Variants in GMPR observed in about 807,000 individuals in gnomAD.
GMPR encodes GMP reductase 1.
A neutral mutation model predicts 38.4 loss-of-function variants in GMPR; 31 were observed. The ratio of observed to expected loss-of-function variants is 0.81; its 90% CI spans 0.61 to 1.09. The LOEUF is 1.09. Ranked by LOEUF, GMPR falls within the 50% of genes least tolerant of loss-of-function variation. The pLI is 0.00. For missense variants in GMPR, 468 were observed against 453.7 expected, an observed-to-expected ratio of 1.03 and a Z score of -0.29; for synonymous variants, 162 against 173.3, an observed-to-expected ratio of 0.93 and a Z score of 0.51.
At chr6:16,271,405 G>A (rs1759383480) in intron 4 of GMPR, among the ~76,000 whole-genome samples, 1 of 152,238 alleles carries the variant, frequency 6.6e-6, no homozygotes, top group Admixed American at 6.5e-5. Context: ...AGAATCGCTT[G>A]AGCCTGGGAA....
At chr6:16,249,869 T>C (rs4716054) in intron 2 of GMPR, among the ~76,000 whole-genome samples, 84,717 of 152,108 alleles carry the variant, frequency 0.56, 26,662 homozygotes, top group East Asian at 0.91. Context: ...TTCTTCAGGG[T>C]CGGCTAAGCA....
chr6:16,274,262 G>T (rs746667543), intron 4 of GMPR, among the ~76,000 whole-genome samples, 153 bp from the exon 5 acceptor site: 1 of 152,160 alleles, frequency 6.6e-6, no homozygotes, highest in Non-Finnish European at 1.5e-5. Flanking sequence ...TCCCAAAAGT[G>T]GTCTCCAGGT....
At chr6:16,269,245 C>T (rs1759334382) in intron 4 of GMPR, among the ~76,000 whole-genome samples, 1 of 151,942 alleles carries the variant, frequency 6.6e-6, no homozygotes, top group Non-Finnish European at 1.5e-5. Context: ...GGTACATCCA[C>T]CCCCATTTTA....
At chr6:16,248,567 G>A (rs893112204) in intron 2 of GMPR, among the ~76,000 whole-genome samples, 22 of 152,202 alleles carry the variant, frequency 1.4e-4, no homozygotes, top group African/African-American at 4.8e-4. Flanking sequence ...CCAGTGATTC[G>A]ACGGAAAATA....
At chr6:16,277,105 C>T (rs1166667157) in intron 5 of GMPR, among the ~76,000 whole-genome samples, 4 of 152,162 alleles carry the variant, frequency 2.6e-5, no homozygotes, top group African/African-American at 9.7e-5. Context: ...TTTATTCTGC[C>T]GTGCACAACG....
At chr6:16,254,241 T>C (rs944985958) in intron 3 of GMPR, among the ~76,000 whole-genome samples, 5 of 152,142 alleles carry the variant, frequency 3.3e-5, no homozygotes, top group Non-Finnish European at 7.3e-5. Flanking sequence ...AATTTTTGTA[T>C]TCTTAGTAGA....
intron 4 of GMPR, chr6:16,263,385 A>C (rs1049478228): frequency 4.6e-5 from 7 of 151,954 alleles, no homozygotes; most frequent in African/African-American, 1.7e-4. Flanking sequence ...CTTAGATTTT[A>C]GGTCAGGTGA....
intron 1 of GMPR, among the ~76,000 whole-genome samples, chr6:16,244,976 G>A (rs886657600): frequency 2.0e-5 from 3 of 152,156 alleles, no homozygotes; most frequent in South Asian, 2.1e-4. Context: ...AACCCATTGT[G>A]ATCTCAGCCG....
chr6:16,284,927 G>A (rs1237980372), intron 6 of GMPR, among the ~76,000 whole-genome samples: 1 of 149,218 alleles, frequency 6.7e-6, no homozygotes, highest in Non-Finnish European at 1.5e-5. Flanking sequence ...GCTGAGGCAG[G>A]AGAATTGCTT....
chr6:16,262,150 TATTG>T (rs1353053832), intron 4 of GMPR: 1 of 151,294 alleles, frequency 6.6e-6, no homozygotes, highest in Non-Finnish European at 1.5e-5. Context: ...GTAGCCTCCG[TATTG>T]ATTAAGAAGG....
At chr6:16,289,461 T>C (rs1208228708) in intron 7 of GMPR, 1 of 152,262 alleles carries the variant, frequency 6.6e-6, no homozygotes, top group African/African-American at 2.4e-5. Flanking sequence ...CTGTGCACTT[T>C]GGATCAACAT....
intron 5 of GMPR, among the ~76,000 whole-genome samples, chr6:16,275,004 G>C (rs1561830949): frequency 6.6e-6 from 1 of 152,112 alleles, no homozygotes. Context: ...TGTAGATTTT[G>C]CCCATGTTCT....
rs1325375851 is a variant in GMPR, at chr6:16,243,869, C to T, written c.88-2973C>T. On this transcript the variant is annotated intron_variant, in intron 1 of 8. Transcript: ENST00000259727. ...TCTTGCCCTGGTGTGTTTCCAAGGG[C>T]CACCCATGATGCTGGTGTGCTCACC... Among the ~76,000 whole-genome samples, 4 of 152,322 alleles carry T rather than the reference C, an allele frequency of 2.6e-5. No individual in the cohort carries two copies. In the South Asian group the frequency reaches 6.2e-4, roughly 24 times the overall value.
chr6:16,253,977 C>T (rs1283054674), intron 3 of GMPR, among the ~76,000 whole-genome samples: 1 of 152,014 alleles, frequency 6.6e-6, no homozygotes, highest in African/African-American at 2.4e-5. Flanking sequence ...GTTGCCCAGA[C>T]TGGAGTGCAA....
chr6:16,248,899 C>T (rs1444997407), intron 2 of GMPR, among the ~76,000 whole-genome samples: 1 of 152,192 alleles, frequency 6.6e-6, no homozygotes, highest in African/African-American at 2.4e-5. Flanking sequence ...CCTAGGAAGT[C>T]TCCCTGCTAA....
chr6:16,264,679 G>C (rs572664318), intron 4 of GMPR: 1 of 152,128 alleles, frequency 6.6e-6, no homozygotes, highest in Non-Finnish European at 1.5e-5. Flanking sequence ...TGGGCAGAGT[G>C]GGGGTCACAA....
intron 1 of GMPR, 82 bp downstream of exon 1, chr6:16,238,862 C>T: frequency 6.6e-6 from 4 of 609,844 alleles, no homozygotes; most frequent in East Asian, 3.7e-5. Flanking sequence ...GGGGGTGGCA[C>T]CGGGTTACCC....
rs139908881 is a variant in GMPR, at chr6:16,279,418, G to A, written c.654+528G>A. Among the ~76,000 whole-genome samples the A allele has an allele frequency of 5.6e-3, 855 of 152,254 alleles. 10 individuals carry two copies. The highest frequency in any genetic ancestry group is 0.019 in the African/African-American group (809 of 41,538). Reference sequence around the variant, plus strand: ...GAGGATACTAGTCCTTTCAGATCAGGGGCCACCCTCCTCCAGGATGTCCGC... The same window carrying A: ...GAGGATACTAGTCCTTTCAGATCAGAGGCCACCCTCCTCCAGGATGTCCGC... On this transcript the variant is annotated intron_variant, in intron 6 of 8. Coordinates refer to ENST00000259727, the MANE Select transcript of GMPR (RefSeq NM_006877.4).
intron 4 of GMPR, among the ~76,000 whole-genome samples, chr6:16,268,201 T>C (rs979194521): frequency 6.6e-6 from 1 of 152,190 alleles, no homozygotes; most frequent in Admixed American, 6.5e-5. Context: ...CTCTGAAGAG[T>C]CACATAATAA....
Sources: allele counts gnomAD v4.1 joint callset (sites outside exome capture counted in the v4.1 genomes callset), GRCh38; gene constraint gnomAD v4.1.1; transcripts MANE v1.5; gene names NCBI Gene and HGNC (gene_info 2026-07-23, HGNC 2026-07-21).